Variants in NAV1 observed in about 807,000 individuals in gnomAD.
The protein encoded by NAV1 is pore membrane and/or filament interacting like protein 3.
In NAV1, 18 loss-of-function variants were observed where a neutral mutation model predicts 175.2. The ratio of observed to expected loss-of-function variants is 0.10; its 90% CI spans 0.07 to 0.15. The LOEUF is 0.15. Ranked by LOEUF, NAV1 falls within the 10% of genes least tolerant of loss-of-function variation. The pLI is 1.00. For missense variants in NAV1, 1,731 were observed against 2,436.6 expected (o/e 0.71, Z 6.10); for synonymous variants, 897 against 978.7 (o/e 0.92, Z 1.56).
chr1:201,718,393 C>T lies in NAV1; in HGVS notation c.864C>T (p.Ser288=). The T allele has an allele frequency of 2.0e-6, 3 of 1,538,242 alleles. No homozygotes were observed. The highest frequency in any genetic ancestry group is 2.6e-6 in the Non-Finnish European group (3 of 1,137,298). The stretch of plus-strand genomic sequence containing the variant: ...GTGCCTTCTGCTCTCCACCCAGCTC[C>T]CTGGAGATGACCTGCTACGACAGCG... The change falls in exon 3 of 30, where the codon TCC becomes TCT. Residue 288 remains serine, a synonymous_variant. Transcript: ENST00000367296. The surrounding 1 kb of genome is among the most constrained non-coding windows in gnomAD (Gnocchi z 4.8).
intron 3 of NAV1, among the ~76,000 whole-genome samples, chr1:201,754,452 A>T (rs1674328935): frequency 6.6e-6 from 1 of 152,234 alleles, no homozygotes; most frequent in Admixed American, 6.5e-5. Flanking sequence ...GTCAGAAAGG[A>T]TGAAAAAGTC....
intron 1 of NAV1, among the ~76,000 whole-genome samples, chr1:201,545,371 T>A (rs541384): frequency 0.9 from 136,771 of 151,404 alleles, 61,915 homozygotes; most frequent in African/African-American, 0.97. Flanking sequence ...TTTTTTTTTT[T>A]AATTAATTTA....
At position 201,744,859 on chromosome 1, in the gene NAV1, A is replaced by G. The variant is rs147605568; in HGVS notation, c.1226+26104A>G. ...CCTTCATCAGTCACACAGACTTCAT[A>G]TCTAAGACAGAATCCTCTGAGACAA... is the stretch of plus-strand genomic sequence containing the variant. On this transcript the variant is annotated intron_variant, in intron 3 of 29. Transcript: ENST00000367296. Among the ~76,000 whole-genome samples the G allele has an allele frequency of 8.7e-4, 132 of 152,334 alleles. 4 individuals carry two copies. Among genetic ancestry groups the G allele is most frequent in the Middle Eastern group, 3.4e-3 (1 of 294 alleles).
intron 1 of NAV1, among the ~76,000 whole-genome samples, chr1:201,566,797 T>C (rs1264414359): frequency 6.7e-6 from 1 of 149,116 alleles, no homozygotes; most frequent in Non-Finnish European, 1.5e-5. Flanking sequence ...TCCTTCTAGG[T>C]TGTTTTTTTT....
chr1:201,760,751 T>C (rs1315167498), intron 3 of NAV1, among the ~76,000 whole-genome samples: 1 of 152,218 alleles, frequency 6.6e-6, no homozygotes, highest in African/African-American at 2.4e-5. Context: ...AGTCTCTTTA[T>C]GTGCATTACA....
At chr1:201,614,736 G>T (rs913228513) in intron 2 of NAV1, among the ~76,000 whole-genome samples, 1 of 152,214 alleles carries the variant, frequency 6.6e-6, no homozygotes. Context: ...CCTGGATTTA[G>T]GCTGTGAAGT....
chr1:201,808,785 T>A lies in NAV1; in HGVS notation c.4121T>A (p.Val1374Asp). Residue 1374 changes from valine to aspartate, a missense_variant, in exon 20 of 30, where the codon GTC becomes GAC. This residue lies in a region of NAV1 where 122 missense variants were observed against 139.4 expected (regional missense o/e 0.88). Coordinates refer to ENST00000367296, the Ensembl canonical transcript of NAV1. This position sits in a 1 kb window ranked among gnomAD's most constrained non-coding sequence, Gnocchi z 5.5. ...TCATCAGGCTCCACTCCAGGGCAGG[T>A]CCCTGGATCATCTGCATTATCTTCC... 1 of 1,614,030 alleles carries A rather than the reference T, an allele frequency of 6.2e-7. No individual in the cohort carries two copies. The highest frequency in any genetic ancestry group is 8.5e-7 in the Non-Finnish European group (1 of 1,179,958).
chr1:201,802,475 A>G (rs1677988989), intron 15 of NAV1, among the ~76,000 whole-genome samples: 1 of 125,464 alleles, frequency 8.0e-6, no homozygotes, highest in African/African-American at 2.8e-5. Flanking sequence ...AAAAAAAAAA[A>G]AGAAAGAAAG....
At chr1:201,746,962 C>T (rs556871202) in intron 3 of NAV1, among the ~76,000 whole-genome samples, 215 of 151,098 alleles carry the variant, frequency 1.4e-3, no homozygotes, top group Middle Eastern at 3.5e-3. Context: ...TCCAGTCATG[C>T]CAATGCACTC....
chr1:201,815,975 C>A (rs558296080), intron 28 of NAV1, among the ~76,000 whole-genome samples: 1 of 152,178 alleles, frequency 6.6e-6, no homozygotes, highest in East Asian at 2.0e-4. Context: ...CAGCCTCAGG[C>A]GATCTTCCCA....
intron 3 of NAV1, among the ~76,000 whole-genome samples, chr1:201,759,658 T>C (rs914663829): frequency 6.6e-6 from 1 of 152,150 alleles, no homozygotes; most frequent in South Asian, 2.1e-4. Flanking sequence ...TAATGTTGAG[T>C]TGGATCCCAG....
rs1235070900 is a variant in NAV1, at chr1:201,642,523, T to TTCTTTCTTTC, written c.5-6110_5-6109insCTTTCTTTCT. 1.9e-3 allele frequency among the ~76,000 whole-genome samples: 179 copies of TTCTTTCTTTC among 96,612 alleles called. 2 individuals are homozygous for TTCTTTCTTTC. Among genetic ancestry groups the TTCTTTCTTTC allele is most frequent in the African/African-American group, 0.011 (163 of 14,646 alleles). 63.4% of individuals were successfully genotyped at this position (96,612 alleles called of 152,430 possible). ...CACCGCACCCGGCCTCTTTCTTTCTTTTTTTCTTTCTTTCTTTCTTTCTTT... is the reference window on the plus strand; with the variant it reads ...CACCGCACCCGGCCTCTTTCTTTCTTTCTTTCTTTCTTTTTCTTTCTTTCTTTCTTTCTTT... On this transcript the variant is annotated intron_variant, in intron 2 of 29. Coordinates refer to the NAV1 transcript ENST00000367302.
chr1:201,718,902 G>T lies in NAV1; in HGVS notation c.1226+147G>T. On this transcript the variant is annotated intron_variant, in intron 3 of 29. Coordinates refer to ENST00000367296, the Ensembl canonical transcript of NAV1. The surrounding 1 kb of genome is among the most constrained non-coding windows in gnomAD (Gnocchi z 4.8). ...CACAAAAGTGTGCTGTGTACACTTT[G>T]TGATTGCCTCTGAAATTCGATGTGG... 1 of 1,051,374 alleles carries T rather than the reference G, an allele frequency of 9.5e-7. No individual in the cohort carries two copies. Among genetic ancestry groups the T allele is most frequent in the Non-Finnish European group, 1.4e-6 (1 of 726,504 alleles). 65.1% of individuals were successfully genotyped at this position (1,051,374 alleles called of 1,614,324 possible). A position where few individuals can be genotyped will look rare whatever the true frequency, so the allele number is the denominator to read the frequency against.
In NAV1 at chr1:201,740,007, C is replaced by A; in HGVS notation, c.1226+21252C>A. 2.0e-6 allele frequency: 3 copies of A among 1,470,264 alleles called. No individual in the cohort carries two copies. In the South Asian group the frequency reaches 4.1e-5, roughly 20 times the overall value. 91.1% of individuals were successfully genotyped at this position (1,470,264 alleles called of 1,614,324 possible). On this transcript the variant is annotated intron_variant, in intron 3 of 29. Transcript: ENST00000367296. The surrounding 1 kb of genome is among the most constrained non-coding windows in gnomAD (Gnocchi z 4.7). ...GCTGGGTGCCCACCCGGTGAATGGC[C>A]GCCTGAGCCGGGGAAGATGCTTCAT...
rs572340495 is a variant in NAV1, at chr1:201,561,492, A to G, written c.-144+22150A>G. Among the ~76,000 whole-genome samples, 73 of 152,368 alleles carry G rather than the reference A, an allele frequency of 4.8e-4. 1 individual carries two copies. The highest frequency in any genetic ancestry group is 1.7e-3 in the African/African-American group (70 of 41,586). On this transcript the variant is annotated intron_variant, in intron 1 of 33. Coordinates refer to the NAV1 transcript ENST00000685211. Reference sequence around the variant, plus strand: ...AGGGTGCTTTAGTTTCCTTGACTGTAAATGAGGTAATTGTGAGAATTAAAG... The same window carrying G: ...AGGGTGCTTTAGTTTCCTTGACTGTGAATGAGGTAATTGTGAGAATTAAAG...
chr1:201,811,715 G>A, exon 25 of NAV1: 1 of 1,611,742 alleles, frequency 6.2e-7, no homozygotes, highest in Non-Finnish European at 8.5e-7. Flanking sequence ...GGCTCCATCA[G>A]TGAGTTGGTC....
At chr1:201,613,306 C>T (rs583191) in intron 2 of NAV1, among the ~76,000 whole-genome samples, 1,736 of 152,244 alleles carry the variant, frequency 0.011, 21 homozygotes, top group Non-Finnish European at 0.017. Flanking sequence ...CGCCTCCCCC[C>T]CGCCACCAAC....
intron 1 of NAV1, among the ~76,000 whole-genome samples, chr1:201,692,182 T>C (rs1670976507): frequency 6.6e-6 from 1 of 152,204 alleles, no homozygotes; most frequent in East Asian, 1.9e-4. Context: ...GAGTTGCTGC[T>C]TGTCAGGTGT....
At chr1:201,762,136 G>A (rs1674901519) in intron 3 of NAV1, among the ~76,000 whole-genome samples, 1 of 152,202 alleles carries the variant, frequency 6.6e-6, no homozygotes, top group Non-Finnish European at 1.5e-5. Flanking sequence ...TTCCAGTTAG[G>A]TGACAGAGTG....
Sources: gnomAD v4.1 joint callset for allele counts (sites outside exome capture counted in the v4.1 genomes callset) on GRCh38, gnomAD v4.1.1 for gene constraint, gnomAD v4.1.1 regional missense constraint, Gnocchi (gnomAD v3.1) non-coding constraint, MANE v1.5 for transcripts, NCBI Gene and HGNC (gene_info 2026-07-23, HGNC 2026-07-21) for gene names.